The following PRKN variants were observed in gnomAD, a reference collection of about 807,000 sequenced individuals.
The protein encoded by PRKN is parkin RBR E3 ubiquitin protein ligase.
A neutral mutation model predicts 59.5 loss-of-function variants in PRKN; 56 were observed. That is an observed-to-expected ratio of 0.94 (90% CI 0.76 to 1.18). The LOEUF (loss-of-function observed/expected upper bound fraction) is 1.18, where lower values mean the gene tolerates loss of function less well. Ranked by LOEUF, PRKN falls within the 50% of genes most tolerant of loss-of-function variation. PRKN has a pLI of 0.00. For missense variants in PRKN, 657 were observed against 596.4 expected, an observed-to-expected ratio of 1.10 and a Z score of -1.06; for synonymous variants, 250 against 222.1, an observed-to-expected ratio of 1.13 and a Z score of -1.12.
intron 5 of PRKN, among the ~76,000 whole-genome samples, chr6:162,010,497 ATATAATATAT>A (rs1782480242): frequency 2.1e-5 from 1 of 47,430 alleles, no homozygotes. Context: ...AATATATATT[ATATAATATAT>A]TATATTATAT....
chr6:162,457,612 A>G (rs1384560997), intron 1 of PRKN, among the ~76,000 whole-genome samples: 1 of 152,154 alleles, frequency 6.6e-6, no homozygotes, highest in Non-Finnish European at 1.5e-5. Flanking sequence ...AAACAAAGAA[A>G]TAAAAACTAC....
intron 6 of PRKN, among the ~76,000 whole-genome samples, chr6:161,838,135 T>C (rs1792837810): frequency 6.6e-6 from 1 of 152,232 alleles, no homozygotes; most frequent in Non-Finnish European, 1.5e-5. Flanking sequence ...CGTGTCTGTA[T>C]TGTGTACTGG....
intron 9 of PRKN, among the ~76,000 whole-genome samples, chr6:161,464,439 T>C (rs9458272): frequency 6.6e-6 from 1 of 152,084 alleles, no homozygotes; most frequent in Admixed American, 6.5e-5. Flanking sequence ...ACTTCATCTA[T>C]ATATCATTTA....
chr6:161,628,051 C>T (rs75541685), intron 7 of PRKN, among the ~76,000 whole-genome samples: 1 of 152,058 alleles, frequency 6.6e-6, no homozygotes, highest in Non-Finnish European at 1.5e-5. Context: ...TGTATCATGT[C>T]AATTAGAGTA....
intron 7 of PRKN, among the ~76,000 whole-genome samples, chr6:161,661,840 T>C (rs1784559258): frequency 1.3e-5 from 2 of 152,152 alleles, no homozygotes; most frequent in South Asian, 4.2e-4. Flanking sequence ...CTGGCCAATA[T>C]GGTGAAACCC....
chr6:161,497,571 TCTCTCTCA>T lies in PRKN; in HGVS notation c.1083+51275_1083+51282del, dbSNP rs1161486546. ...GCTTACATGTCTCTCTCTCTCTCTC[TCTCTCTCA>T]CACACACACACACACACACCATATC... On this transcript the variant is annotated intron_variant, in intron 9 of 11. Coordinates refer to ENST00000366898, the MANE Select transcript of PRKN (RefSeq NM_004562.3). The surrounding 1 kb of genome is among the most constrained non-coding windows in gnomAD (Gnocchi z 4.6). 7.5e-6 allele frequency among the ~76,000 whole-genome samples: 1 copy of T among 134,038 alleles called. No individual in the cohort carries two copies. Among genetic ancestry groups the T allele is most frequent in the Non-Finnish European group, 1.6e-5 (1 of 61,600 alleles). The allele number at this position is 134,038 out of a possible 152,430, so 87.9% of individuals were successfully genotyped here. A position where few individuals can be genotyped will look rare whatever the true frequency, so the allele number is the denominator to read the frequency against.
intron 2 of PRKN, among the ~76,000 whole-genome samples, chr6:162,317,655 T>C (rs9458514): frequency 0.26 from 39,062 of 151,934 alleles, 6,479 homozygotes; most frequent in East Asian, 0.55. Flanking sequence ...AAGAGCACAA[T>C]CACTGAAAGT....
chr6:162,610,857 T>G (rs970916801), intron 1 of PRKN, among the ~76,000 whole-genome samples: 1 of 152,162 alleles, frequency 6.6e-6, no homozygotes, highest in Non-Finnish European at 1.5e-5. Context: ...AAGGTAACAT[T>G]TTTTAAAAAT....
intron 1 of PRKN, among the ~76,000 whole-genome samples, chr6:162,538,204 G>C (rs1778796631): frequency 6.6e-6 from 1 of 152,148 alleles, no homozygotes; most frequent in Non-Finnish European, 1.5e-5. Flanking sequence ...TTTCAGACCA[G>C]CCTGGCCAAC....
intron 2 of PRKN, among the ~76,000 whole-genome samples, chr6:162,346,568 C>T (rs1452627658): frequency 6.6e-6 from 1 of 151,966 alleles, no homozygotes; most frequent in Non-Finnish European, 1.5e-5. Context: ...CTGCAGTGTG[C>T]TGCAATTGTG....
intron 2 of PRKN, among the ~76,000 whole-genome samples, chr6:162,390,080 C>T (rs1787082803): frequency 6.6e-6 from 1 of 152,012 alleles, no homozygotes; most frequent in African/African-American, 2.4e-5. Flanking sequence ...GGATTAACTT[C>T]AAGAGCTGGG....
At position 161,593,546 on chromosome 6, in the gene PRKN, C is replaced by T. The variant is rs1781800936; in HGVS notation, c.872-24130G>A. ...GCGGTCAGGTGGGAGGTGATGGCAC[C>T]TGGGGGCTGGAAGGTGAGGCCAGCA... On this transcript the variant is annotated intron_variant, in intron 7 of 11. Transcript: ENST00000366898. This position sits in a 1 kb window ranked among gnomAD's most constrained non-coding sequence, Gnocchi z 4.8. Among the ~76,000 whole-genome samples the T allele has an allele frequency of 1.3e-5, 2 of 152,082 alleles. No individual in the cohort carries two copies. The highest frequency in any genetic ancestry group is 4.8e-5 in the African/African-American group (2 of 41,428).
intron 5 of PRKN, among the ~76,000 whole-genome samples, chr6:162,048,722 T>A (rs1451278672): frequency 2.8e-5 from 4 of 141,538 alleles, no homozygotes; most frequent in Non-Finnish European, 6.1e-5. Flanking sequence ...GCTGATGAAC[T>A]AAAAAAAAAA....
intron 4 of PRKN, among the ~76,000 whole-genome samples, chr6:162,123,212 C>G (rs113220536): frequency 2.4e-3 from 364 of 152,088 alleles, no homozygotes; most frequent in African/African-American, 8.4e-3. Context: ...CATGGTATTT[C>G]CATGTCCAAA....
intron 1 of PRKN, among the ~76,000 whole-genome samples, chr6:162,584,751 T>C (rs972807622): frequency 2.1e-5 from 3 of 144,416 alleles, no homozygotes; most frequent in Non-Finnish European, 4.4e-5. Flanking sequence ...TCTGGGTTTC[T>C]TTCTTTTCTT....
chr6:162,349,488 A>G (rs780594781), intron 2 of PRKN, among the ~76,000 whole-genome samples: 6 of 151,976 alleles, frequency 3.9e-5, no homozygotes, highest in Non-Finnish European at 7.4e-5. Context: ...TAAACAAACA[A>G]AAAATGAATG....
chr6:162,182,926 C>A (rs550183491), intron 4 of PRKN, among the ~76,000 whole-genome samples: 1 of 151,976 alleles, frequency 6.6e-6, no homozygotes, highest in Non-Finnish European at 1.5e-5. Context: ...TGCTTTTCAC[C>A]TACTTCTAAA....
At chr6:162,597,444 T>G (rs1270898678) in intron 1 of PRKN, among the ~76,000 whole-genome samples, 3 of 152,228 alleles carry the variant, frequency 2.0e-5, no homozygotes, top group Non-Finnish European at 4.4e-5. Flanking sequence ...TCCCAACTCT[T>G]CTTTGAAATG....
At chr6:161,408,039 C>T (rs1787357443) in intron 9 of PRKN, among the ~76,000 whole-genome samples, 1 of 152,172 alleles carries the variant, frequency 6.6e-6, no homozygotes, top group Non-Finnish European at 1.5e-5. Context: ...TTATTGCTCA[C>T]ACAGAGCCTG....
Sources: gnomAD v4.1 joint callset for allele counts (sites outside exome capture counted in the v4.1 genomes callset) on GRCh38, gnomAD v4.1.1 for gene constraint, Gnocchi (gnomAD v3.1) non-coding constraint, MANE v1.5 for transcripts, NCBI Gene and HGNC (gene_info 2026-07-23, HGNC 2026-07-21) for gene names.